Variants in PTH2R observed in about 807,000 individuals in gnomAD.
PTH2R encodes PTH2 receptor.
PTH2R carries 59 observed loss-of-function variants against 60.3 expected under a neutral mutation model. That is an observed-to-expected ratio of 0.98 (90% CI 0.79 to 1.22). The LOEUF (loss-of-function observed/expected upper bound fraction) is 1.22. Ranked by LOEUF, PTH2R falls within the 50% of genes most tolerant of loss-of-function variation. The pLI is 0.00. For synonymous variants in PTH2R, 256 were observed against 243.8 expected (o/e 1.05, Z -0.47); for missense variants, 749 against 682.6 (o/e 1.10, Z -1.08).
chr2:208,474,461 G>T (rs1173484357), intron 9 of PTH2R, among the ~76,000 whole-genome samples: 3 of 152,182 alleles, frequency 2.0e-5, no homozygotes, highest in South Asian at 2.1e-4. Context: ...AAGAAGGTGA[G>T]ATTTGAACTA....
chr2:208,414,956 A>G (rs1701610850), intron 1 of PTH2R, among the ~76,000 whole-genome samples: 1 of 152,192 alleles, frequency 6.6e-6, no homozygotes, highest in South Asian at 2.1e-4. Context: ...TCTCAAAACT[A>G]TTAAGATAAA....
intron 1 of PTH2R, among the ~76,000 whole-genome samples, chr2:208,373,817 T>G (rs1253875606): frequency 1.3e-5 from 2 of 152,178 alleles, no homozygotes; most frequent in Non-Finnish European, 2.9e-5. Flanking sequence ...TTGACAATAC[T>G]TTGTTACATC....
At chr2:208,480,398 G>T (rs1024534806) in intron 9 of PTH2R, among the ~76,000 whole-genome samples, 4 of 152,098 alleles carry the variant, frequency 2.6e-5, no homozygotes, top group Admixed American at 2.6e-4. Context: ...CTGGAGACAT[G>T]TTCTTCATCT....
Position 208,406,913 on chromosome 2 carries a change from C to A in PTH2R, c.-131C>A. 2.9e-6 allele frequency: 2 copies of A among 684,368 alleles called. No individual in the cohort carries two copies. The highest frequency in any genetic ancestry group is 4.4e-6 in the Non-Finnish European group (2 of 454,178). The allele number at this position is 684,368 out of a possible 1,614,324, so 42.4% of individuals were successfully genotyped here. Reference sequence around the variant, plus strand: ...CCCCAAGCACCCTCGGCCGGTGGCCCGGGCCCGACCACCCCAGCTGCGCGT... The same window carrying A: ...CCCCAAGCACCCTCGGCCGGTGGCCAGGGCCCGACCACCCCAGCTGCGCGT... On this transcript the variant is annotated 5_prime_UTR_variant, in exon 1 of 13. Coordinates refer to ENST00000272847, the MANE Select transcript of PTH2R (RefSeq NM_005048.4).
chr2:208,364,568 T>C (rs1700541942), intron 1 of PTH2R, among the ~76,000 whole-genome samples: 1 of 152,196 alleles, frequency 6.6e-6, no homozygotes, highest in Admixed American at 6.5e-5. Context: ...GGGCTCTTTA[T>C]TCTGTTCTAT....
At chr2:208,481,880 A>G (rs1703160758) in intron 10 of PTH2R, among the ~76,000 whole-genome samples, 1 of 152,228 alleles carries the variant, frequency 6.6e-6, no homozygotes. Context: ...ATATTGACTG[A>G]GAGAGGTCCA....
intron 9 of PTH2R, among the ~76,000 whole-genome samples, chr2:208,472,581 C>T (rs191367885): frequency 1.1e-4 from 17 of 152,304 alleles, no homozygotes; most frequent in East Asian, 3.9e-4. Context: ...TCTTCCACCA[C>T]GTGAGATGTG....
rs917998331 is a variant in PTH2R, at chr2:208,388,091, C to T, written c.-259+27854C>T. 5.4e-5 allele frequency among the ~76,000 whole-genome samples: 8 copies of T among 149,340 alleles called. No individual in the cohort carries two copies. The East Asian group carries it at 1.2e-3, about 22-fold the overall frequency. On this transcript the variant is annotated intron_variant, in intron 1 of 12. Transcript: ENST00000617735. ...TTGGGAGGCCGAGGTGGGCGGATCA[C>T]GAGGTCAGGAGATCAAGACCATTCT... is the stretch of plus-strand genomic sequence containing the variant.
intron 9 of PTH2R, among the ~76,000 whole-genome samples, chr2:208,468,551 C>T (rs1702807667): frequency 6.6e-6 from 1 of 152,166 alleles, no homozygotes; most frequent in Admixed American, 6.5e-5. Flanking sequence ...ATGTTGCTTT[C>T]CAGTCAGTTG....
At chr2:208,422,666 T>A (rs941538538) in intron 1 of PTH2R, among the ~76,000 whole-genome samples, 6 of 152,290 alleles carry the variant, frequency 3.9e-5, no homozygotes, top group Non-Finnish European at 8.8e-5. Flanking sequence ...CTTCTTTTTT[T>A]AAAAAATGAT....
chr2:208,489,754 G>T (rs1346929007), intron 11 of PTH2R, among the ~76,000 whole-genome samples: 5 of 152,082 alleles, frequency 3.3e-5, no homozygotes, highest in Non-Finnish European at 7.4e-5. Context: ...CCATTGTTTG[G>T]CATACACAGC....
intron 1 of PTH2R, among the ~76,000 whole-genome samples, chr2:208,363,029 C>A (rs1700508995): frequency 6.6e-6 from 1 of 151,706 alleles, no homozygotes; most frequent in Non-Finnish European, 1.5e-5. Context: ...TTTTTTCCTT[C>A]CAACTTTTAT....
At chr2:208,465,717 A>G (rs1702736044) in intron 9 of PTH2R, among the ~76,000 whole-genome samples, 1 of 151,938 alleles carries the variant, frequency 6.6e-6, no homozygotes, top group Non-Finnish European at 1.5e-5. Context: ...TTTTTTTTTA[A>G]AAAAATATTT....
At chr2:208,420,532 T>C (rs1701733850) in intron 1 of PTH2R, among the ~76,000 whole-genome samples, 1 of 151,148 alleles carries the variant, frequency 6.6e-6, no homozygotes, top group Non-Finnish European at 1.5e-5. Flanking sequence ...ACTTAATTTA[T>C]AATTAACTTA....
chr2:208,420,052 G>A (rs562546960), intron 1 of PTH2R, among the ~76,000 whole-genome samples: 67 of 151,828 alleles, frequency 4.4e-4, no homozygotes, highest in African/African-American at 1.3e-3. Flanking sequence ...ACCAAACACC[G>A]CATGTTCTCA....
chr2:208,475,845 G>C (rs1162687166), intron 9 of PTH2R, among the ~76,000 whole-genome samples: 1 of 152,046 alleles, frequency 6.6e-6, no homozygotes, highest in Non-Finnish European at 1.5e-5. Context: ...AATCTTTCTG[G>C]TCAATAAACA....
intron 1 of PTH2R, among the ~76,000 whole-genome samples, chr2:208,426,525 C>G (rs953077475): frequency 6.6e-6 from 1 of 152,104 alleles, no homozygotes; most frequent in African/African-American, 2.4e-5. Flanking sequence ...GGCTGTGTCC[C>G]CACCCAAAAT....
intron 7 of PTH2R, among the ~76,000 whole-genome samples, chr2:208,448,148 T>C (rs1318853361): frequency 6.6e-6 from 1 of 152,132 alleles, no homozygotes; most frequent in African/African-American, 2.4e-5. Flanking sequence ...ATTCCCTTTG[T>C]AAAATATCTT....
At chr2:208,418,086 A>G (rs1046276565) in intron 1 of PTH2R, among the ~76,000 whole-genome samples, 1 of 152,152 alleles carries the variant, frequency 6.6e-6, no homozygotes, top group African/African-American at 2.4e-5. Context: ...GAAGTAAAAT[A>G]GCTTCCTTAT....
Sources: allele counts gnomAD v4.1 joint callset (sites outside exome capture counted in the v4.1 genomes callset), GRCh38; gene constraint gnomAD v4.1.1; transcripts MANE v1.5; gene names NCBI Gene and HGNC (gene_info 2026-07-23, HGNC 2026-07-21).